IGF2BP3: variants seen among roughly 807,000 people sequenced by gnomAD.
The protein encoded by IGF2BP3 is insulin-like growth factor 2 mRNA-binding protein 3.
A neutral mutation model predicts 73.8 loss-of-function variants in IGF2BP3; 9 were observed. The ratio of observed to expected loss-of-function variants is 0.12; its 90% CI spans 0.07 to 0.21. IGF2BP3 has a LOEUF of 0.21. Among genes scored for constraint, IGF2BP3 ranks in the 10% least tolerant of loss-of-function variants. The pLI, the probability that IGF2BP3 is intolerant of heterozygous loss-of-function variation, is 1.00. For synonymous variants in IGF2BP3, 258 were observed against 256.7 expected, an observed-to-expected ratio of 1.01 and a Z score of -0.05; for missense variants, 542 against 714.0, an observed-to-expected ratio of 0.76 and a Z score of 2.75.
chr7:23,415,452 T>TC (rs879054816), intron 3 of IGF2BP3: 1 of 154,394 alleles, frequency 6.5e-6, no homozygotes, highest in Non-Finnish European at 1.3e-5. Context: ...CATCCGCAGG[T>TC]CCCCCTCCGT....
At chr7:23,394,916 A>G (rs1211608907) in intron 3 of IGF2BP3, among the ~76,000 whole-genome samples, 1 of 152,258 alleles carries the variant, frequency 6.6e-6, no homozygotes, top group African/African-American at 2.4e-5. Context: ...GGCAACTTCA[A>G]GTAGTGGTAA....
At chr7:23,404,895 CT>C (rs1786780612) in intron 3 of IGF2BP3, 1 of 152,136 alleles carries the variant, frequency 6.6e-6, no homozygotes, top group Non-Finnish European at 1.5e-5. Flanking sequence ...ACCAGGAGAC[CT>C]TTGCCCTCCC....
intron 3 of IGF2BP3, among the ~76,000 whole-genome samples, chr7:23,366,163 A>T (rs1009559617): frequency 2.6e-5 from 4 of 151,196 alleles, no homozygotes; most frequent in African/African-American, 7.3e-5. Flanking sequence ...TTTTAGACAG[A>T]GTCTCACTCT....
At chr7:23,432,601 C>T (rs1787712504) in intron 2 of IGF2BP3, among the ~76,000 whole-genome samples, 1 of 151,466 alleles carries the variant, frequency 6.6e-6, no homozygotes, top group Non-Finnish European at 1.5e-5. Context: ...AGTCTTCATA[C>T]TGAGATTTTA....
At chr7:23,446,656 G>T (rs1332845118) in intron 2 of IGF2BP3, among the ~76,000 whole-genome samples, 1 of 152,168 alleles carries the variant, frequency 6.6e-6, no homozygotes. Flanking sequence ...TTGCTGACAA[G>T]AATCATCAAT....
rs539331620 is a variant in IGF2BP3 at position 23,438,357 on chromosome 7, G to A, written c.237-19533C>T. On this transcript the variant is annotated intron_variant, in intron 2 of 14. Transcript: ENST00000258729. ...TTGAATTCCTGAGCTTAAGTAATCT[G>A]CCCCCCTTGGCATTCCCAAAGTGCT... is the stretch of plus-strand genomic sequence containing the variant. 3.3e-3 allele frequency among the ~76,000 whole-genome samples: 505 copies of A among 152,050 alleles called. 5 individuals carry two copies. Among genetic ancestry groups the A allele is most frequent in the African/African-American group, 0.011 (473 of 41,476 alleles).
intron 2 of IGF2BP3, among the ~76,000 whole-genome samples, chr7:23,458,718 G>T (rs1788376511): frequency 6.6e-6 from 1 of 152,182 alleles, no homozygotes; most frequent in African/African-American, 2.4e-5. Context: ...CTTAAAACAG[G>T]ATATCCATGT....
chr7:23,460,583 C>T (rs190084906), intron 2 of IGF2BP3, among the ~76,000 whole-genome samples: 12 of 151,954 alleles, frequency 7.9e-5, no homozygotes, highest in Admixed American at 3.9e-4. Context: ...CAAGCCTTGT[C>T]CATTGAGTCA....
chr7:23,401,500 C>T (rs2128525900), intron 3 of IGF2BP3, among the ~76,000 whole-genome samples: 1 of 150,176 alleles, frequency 6.7e-6, no homozygotes, highest in South Asian at 2.1e-4. Context: ...CACGGTGGCT[C>T]ACGCCTGTAA....
intron 12 of IGF2BP3, 104 bp from the exon 13 acceptor site, chr7:23,313,757 T>C: frequency 2.9e-6 from 3 of 1,017,402 alleles, no homozygotes; most frequent in Non-Finnish European, 4.3e-6. Context: ...CCCTTTGCAG[T>C]GATACATCTA....
rs377274172 is a variant in IGF2BP3, at chr7:23,407,578, G to A, written c.285+11198C>T. Among the ~76,000 whole-genome samples the A allele has an allele frequency of 8.2e-4, 122 of 148,828 alleles. 3 individuals carry two copies. The South Asian group carries it at 0.025, about 30-fold the overall frequency. On this transcript the variant is annotated intron_variant, in intron 3 of 14. Transcript: ENST00000258729. ...AGCCAAGATTGGGCCATCGCACTCCGGCCTGGGCAACAAAAGCAAAACTCT... is the reference window on the plus strand; with the variant it reads ...AGCCAAGATTGGGCCATCGCACTCCAGCCTGGGCAACAAAAGCAAAACTCT...
At chr7:23,421,744 T>A (rs936010078) in intron 2 of IGF2BP3, among the ~76,000 whole-genome samples, 1 of 152,006 alleles carries the variant, frequency 6.6e-6, no homozygotes, top group Non-Finnish European at 1.5e-5. Flanking sequence ...AATGAAGGTA[T>A]GATTTACTAC....
chr7:23,379,281 C>T (rs372618207), intron 3 of IGF2BP3, among the ~76,000 whole-genome samples: 1 of 152,134 alleles, frequency 6.6e-6, no homozygotes, highest in Admixed American at 6.6e-5. Context: ...AGTGTGTATT[C>T]AAGATAAAGG....
At chr7:23,457,009 A>G (rs1041976275) in intron 2 of IGF2BP3, among the ~76,000 whole-genome samples, 1 of 152,178 alleles carries the variant, frequency 6.6e-6, no homozygotes, top group Non-Finnish European at 1.5e-5. Context: ...AAATCGCGCC[A>G]CTGCACTCCA....
At chr7:23,451,170 T>C (rs1182288453) in intron 2 of IGF2BP3, among the ~76,000 whole-genome samples, 1 of 152,134 alleles carries the variant, frequency 6.6e-6, no homozygotes, top group Non-Finnish European at 1.5e-5. Flanking sequence ...CTAATCCCAG[T>C]ACTTTGGGAG....
chr7:23,453,394 G>A (rs1414192659), intron 2 of IGF2BP3, among the ~76,000 whole-genome samples: 5 of 152,196 alleles, frequency 3.3e-5, no homozygotes, highest in Admixed American at 6.5e-5. Context: ...AGACAACAGT[G>A]TTAGTTTCAG....
intron 3 of IGF2BP3, among the ~76,000 whole-genome samples, chr7:23,418,413 A>G (rs1787252765): frequency 6.6e-6 from 1 of 152,234 alleles, no homozygotes; most frequent in Non-Finnish European, 1.5e-5. Flanking sequence ...ACAGCACAAA[A>G]TAGCAGGTAT....
At chr7:23,327,373 C>T (rs1490134623) in intron 10 of IGF2BP3, among the ~76,000 whole-genome samples, 3 of 151,338 alleles carry the variant, frequency 2.0e-5, no homozygotes, top group Admixed American at 2.0e-4. Context: ...CTCCGCCTCC[C>T]GGGTTCACGC....
rs1355806862 is a variant in IGF2BP3, at chr7:23,312,151, G to GT, written c.*210dup. 7.3e-5 allele frequency: 17 copies of GT among 231,584 alleles called. No individual in the cohort carries two copies. Among genetic ancestry groups the GT allele is most frequent in the Non-Finnish European group, 1.4e-4 (16 of 117,684 alleles). The allele number at this position is 231,584 out of a possible 1,614,324, so 14.3% of individuals were successfully genotyped here. On this transcript the variant is annotated 3_prime_UTR_variant, in exon 15 of 15. Coordinates refer to ENST00000258729, the MANE Select transcript of IGF2BP3 (RefSeq NM_006547.3). The stretch of plus-strand genomic sequence containing the variant: ...CCTTTTTTTGTTTGTTTGTTTGTTT[G>GT]TTTTAAAGCTGGGTGTCATACATTT...
Sources: gnomAD v4.1 joint callset for allele counts (sites outside exome capture counted in the v4.1 genomes callset) on GRCh38, gnomAD v4.1.1 for gene constraint, MANE v1.5 for transcripts, NCBI Gene and HGNC (gene_info 2026-07-23, HGNC 2026-07-21) for gene names.